Variants in SPC25 observed in about 807,000 individuals in gnomAD.
The protein encoded by SPC25 is SPC25 component of NDC80 kinetochore complex.
SPC25 carries 22 observed loss-of-function variants against 29.6 expected under a neutral mutation model. That is an observed-to-expected ratio of 0.74 (90% CI 0.53 to 1.06). The LOEUF is 1.06. SPC25 is among the 50% of genes least tolerant of loss of function. The pLI, the probability that SPC25 is intolerant of heterozygous loss-of-function variation, is 0.00. For synonymous variants in SPC25, 91 were observed against 90.4 expected (o/e 1.01, Z -0.04); for missense variants, 230 against 255.8 (o/e 0.90, Z 0.69).
chr2:168,885,458 T>C (rs1690245284), intron 3 of SPC25, among the ~76,000 whole-genome samples: 1 of 152,236 alleles, frequency 6.6e-6, no homozygotes, highest in African/African-American at 2.4e-5. Context: ...TCTTCTGGCA[T>C]ATAAATCCAA....
chr2:168,876,035 G>C, intron 5 of SPC25, 37 bp downstream of exon 5: 1 of 1,172,838 alleles, frequency 8.5e-7, no homozygotes, highest in Non-Finnish European at 1.1e-6. Flanking sequence ...ACATACTTTT[G>C]TAATCTCCTA....
rs150848505 is a variant in SPC25 at position 168,871,443 on chromosome 2, C to T, written c.663G>A (p.Thr221=). 44 of 1,604,104 alleles carry T rather than the reference C, an allele frequency of 2.7e-5. No homozygotes were observed. Among genetic ancestry groups the T allele is most frequent in the African/African-American group, 2.4e-4 (18 of 74,220 alleles). The part of the protein sequence containing the change: ...LANVRKAFTA[T]VYN Reference sequence around the variant, plus strand: ...CACTATTTGTATGTTAATTATAAACCGTGGCAGTAAAAGCTTTCCGAACAT... The same window carrying T: ...CACTATTTGTATGTTAATTATAAACTGTGGCAGTAAAAGCTTTCCGAACAT... The change falls in exon 7 of 7, where the codon ACG becomes ACA. Residue 221 remains threonine, a synonymous_variant. Coordinates refer to ENST00000282074, the MANE Select transcript of SPC25 (RefSeq NM_020675.4).
In SPC25 at chr2:168,890,418, A is replaced by G. The variant is rs1175252186; in HGVS notation, c.-115T>C. On this transcript the variant is annotated 5_prime_UTR_variant, in exon 1 of 7. Transcript: ENST00000282074. ...AGGCTCAGCTCCCGCAGCCCCGCCA[A>G]CTTTCCGATTTCAAACCTAGTGCAC... is the stretch of plus-strand genomic sequence containing the variant. 3 of 985,474 alleles carry G rather than the reference A, an allele frequency of 3.0e-6. No individual in the cohort carries two copies. Among genetic ancestry groups the G allele is most frequent in the Non-Finnish European group, 3.6e-6 (3 of 830,024 alleles). The allele number at this position is 985,474 out of a possible 1,614,324, so 61.0% of individuals were successfully genotyped here. A position where few individuals can be genotyped will look rare whatever the true frequency, so the allele number is the denominator to read the frequency against.
chr2:168,869,465 C>G (rs1166547264), downstream of SPC25, among the ~76,000 whole-genome samples: 2 of 152,216 alleles, frequency 1.3e-5, no homozygotes, highest in Non-Finnish European at 2.9e-5. Context: ...ACCCCATCGT[C>G]TCAGCCCAAA....
chr2:168,863,611 C>A (rs937744211), intron 4 of SPC25: 2 of 985,052 alleles, frequency 2.0e-6, no homozygotes, highest in Non-Finnish European at 2.4e-6. Context: ...TTAAAGTTGT[C>A]TAAGTTGTTG....
intron 3 of SPC25, among the ~76,000 whole-genome samples, chr2:168,881,055 G>A (rs1253128460): frequency 1.3e-5 from 2 of 152,166 alleles, no homozygotes; most frequent in Non-Finnish European, 2.9e-5. Flanking sequence ...TTGACACATG[G>A]TTGCCATTAA....
In SPC25 at chr2:168,875,504, G is replaced by C. The variant is rs139966588; in HGVS notation, c.451+568C>G. On this transcript the variant is annotated intron_variant, in intron 5 of 6. Coordinates refer to ENST00000282074, the MANE Select transcript of SPC25 (RefSeq NM_020675.4). ...AATAAAACAGAACAATTACAACAAC[G>C]TACTGTAATAAAAGTTATATTAATG... Among the ~76,000 whole-genome samples the C allele has an allele frequency of 2.5e-4, 38 of 151,990 alleles. 2 individuals carry two copies. The highest frequency in any genetic ancestry group is 2.4e-3 in the Admixed American group (37 of 15,256).
At chr2:168,869,486 G>A (rs1165507218), downstream of SPC25, among the ~76,000 whole-genome samples, 1 of 152,206 alleles carries the variant, frequency 6.6e-6, no homozygotes, top group African/African-American at 2.4e-5. Context: ...ATCTCCTTAA[G>A]CTGATAAGCA....
chr2:168,889,062 T>TATAC (rs1553539557), intron 3 of SPC25, among the ~76,000 whole-genome samples, 164 bp downstream of exon 3: 7 of 64,802 alleles, frequency 1.1e-4, no homozygotes, highest in East Asian at 1.3e-3. Context: ...TATATACATA[T>TATAC]ATATATACAC....
intron 4 of SPC25, chr2:168,863,597 T>C (rs1399941891): frequency 1.0e-6 from 1 of 985,182 alleles, no homozygotes; most frequent in Non-Finnish European, 1.2e-6. Flanking sequence ...AAATTGATGT[T>C]GTATTAAAGT....
At chr2:168,862,868 C>G (rs1376720126) in intron 4 of SPC25, among the ~76,000 whole-genome samples, 9 of 152,048 alleles carry the variant, frequency 5.9e-5, no homozygotes, top group Admixed American at 5.9e-4. Context: ...GAATATTATC[C>G]ACGACAAGGA....
At chr2:168,887,445 A>C (rs1690289635) in intron 3 of SPC25, among the ~76,000 whole-genome samples, 1 of 151,956 alleles carries the variant, frequency 6.6e-6, no homozygotes. Flanking sequence ...GAAAGAAAGA[A>C]AATAAAGAAA....
chr2:168,862,600 C>G (rs999124337), intron 4 of SPC25, among the ~76,000 whole-genome samples: 1 of 152,226 alleles, frequency 6.6e-6, no homozygotes, highest in Non-Finnish European at 1.5e-5. Context: ...TAGTGCTGGT[C>G]TCACTTACTT....
downstream of SPC25, among the ~76,000 whole-genome samples, chr2:168,867,343 C>G (rs182590269): frequency 1.5e-3 from 233 of 152,220 alleles, 4 homozygotes; most frequent in Admixed American, 0.014. Flanking sequence ...AGCAAAATAA[C>G]CAGCTAACAT....
rs185031022 is a variant in SPC25, at chr2:168,886,156, C to T, written c.199+3070G>A. 2.1e-3 allele frequency among the ~76,000 whole-genome samples: 317 copies of T among 148,646 alleles called. 1 individual carries two copies. Among genetic ancestry groups the T allele is most frequent in the African/African-American group, 7.5e-3 (302 of 40,026 alleles). On this transcript the variant is annotated intron_variant, in intron 3 of 6. Transcript: ENST00000282074. ...GTAACCTCAATCTCCTGGGCTCAAG[C>T]GATCCTCCTGTCTCAGCCTCCTGAG...
intron 3 of SPC25, among the ~76,000 whole-genome samples, 137 bp downstream of exon 3, chr2:168,889,070 CACATATATATACATATATA>C (rs1690343501): frequency 4.8e-5 from 3 of 61,870 alleles, no homozygotes; most frequent in African/African-American, 1.5e-4. Context: ...TATATATATA[CACATATATATACATATATA>C]TACACATATA....
intron 4 of SPC25, 24 bp from the exon 5 acceptor site, chr2:168,876,200 T>C: frequency 7.1e-7 from 1 of 1,403,714 alleles, no homozygotes; most frequent in Non-Finnish European, 9.5e-7. Context: ...ACACACAATA[T>C]TAAATGTTTT....
chr2:168,873,337 T>C (rs568005051), intron 6 of SPC25, among the ~76,000 whole-genome samples: 1 of 152,336 alleles, frequency 6.6e-6, no homozygotes, highest in Non-Finnish European at 1.5e-5. Context: ...TCTTTGTTTT[T>C]AGATTGTTCA....
downstream of SPC25, among the ~76,000 whole-genome samples, chr2:168,869,937 C>T (rs1447257735): frequency 5.3e-5 from 8 of 152,204 alleles, no homozygotes; most frequent in East Asian, 1.9e-4. Flanking sequence ...AGAGGCATCA[C>T]GCTACCTGAC....
Sources: allele counts gnomAD v4.1 joint callset (sites outside exome capture counted in the v4.1 genomes callset), GRCh38; gene constraint gnomAD v4.1.1; transcripts MANE v1.5; gene names NCBI Gene and HGNC (gene_info 2026-07-23, HGNC 2026-07-21).